RFX3: variants seen among roughly 807,000 people sequenced by gnomAD.
The protein encoded by RFX3 is transcription factor RFX3.
Under a neutral mutation model 98.6 loss-of-function variants are expected in RFX3, and 14 were observed. That is an observed-to-expected ratio of 0.14 (90% CI 0.09 to 0.22). The LOEUF is 0.22. Ranked by LOEUF, RFX3 falls within the 10% of genes least tolerant of loss-of-function variation. The probability of loss-of-function intolerance (pLI) is 1.00; values close to 1 mark genes in which losing one functional copy is unlikely to be tolerated. For synonymous variants in RFX3, 383 were observed against 328.4 expected, an observed-to-expected ratio of 1.17 and a Z score of -1.80; for missense variants, 639 against 926.9, an observed-to-expected ratio of 0.69 and a Z score of 4.03.
intron 1 of RFX3, among the ~76,000 whole-genome samples, chr9:3,427,910 C>T (rs1020112971): frequency 2.6e-5 from 4 of 152,052 alleles, no homozygotes; most frequent in Non-Finnish European, 2.9e-5. Flanking sequence ...ATTCCAGCTG[C>T]TTCAACAGGC....
At chr9:3,416,614 G>A (rs1843007786) in intron 1 of RFX3, among the ~76,000 whole-genome samples, 2 of 152,132 alleles carry the variant, frequency 1.3e-5, no homozygotes, top group South Asian at 4.1e-4. Flanking sequence ...GTGCTGTTGA[G>A]AATCACTGGC....
intron 2 of RFX3, among the ~76,000 whole-genome samples, chr9:3,369,828 TTTTG>T (rs892214282): frequency 1.2e-4 from 18 of 152,074 alleles, no homozygotes; most frequent in South Asian, 6.2e-4. Context: ...TTTGTTTTTG[TTTTG>T]TTTGTTTGTT....
At chr9:3,453,098 T>A (rs1168880691) in intron 1 of RFX3, among the ~76,000 whole-genome samples, 2 of 152,094 alleles carry the variant, frequency 1.3e-5, no homozygotes, top group African/African-American at 2.4e-5. Flanking sequence ...TTGGAAAGAT[T>A]AAATAAAAAC....
At chr9:3,406,284 G>A (rs976691976) in intron 1 of RFX3, among the ~76,000 whole-genome samples, 1 of 151,594 alleles carries the variant, frequency 6.6e-6, no homozygotes. Flanking sequence ...ATTTGAACAG[G>A]CAGTTTCTTC....
In RFX3 at chr9:3,478,906, T is replaced by G. The variant is rs139212817; in HGVS notation, c.-9+46841A>C. 4.6e-5 allele frequency among the ~76,000 whole-genome samples: 7 copies of G among 152,190 alleles called. No individual in the cohort carries two copies. In the East Asian group the frequency reaches 1.4e-3, roughly 29 times the overall value. On this transcript the variant is annotated intron_variant, in intron 1 of 16. Coordinates refer to ENST00000617270, the MANE Select transcript of RFX3 (RefSeq NM_001282116.2). ...TTCAGTAATGCCCTGGGGGTAAGCT[T>G]TTTCTTCCCCCAACTGAGCTGAGTT...
chr9:3,389,325 G>A (rs1020413964), intron 2 of RFX3, among the ~76,000 whole-genome samples: 1 of 152,138 alleles, frequency 6.6e-6, no homozygotes, highest in Non-Finnish European at 1.5e-5. Flanking sequence ...CAAGGATGAA[G>A]GATGAGGAGA....
chr9:3,269,935 T>C (rs1313908337), intron 11 of RFX3, among the ~76,000 whole-genome samples: 1 of 152,076 alleles, frequency 6.6e-6, no homozygotes, highest in Non-Finnish European at 1.5e-5. Context: ...TTTTTGGCTT[T>C]ATGAAGGAGA....
chr9:3,488,684 AC>A (rs1850477496), intron 1 of RFX3: 1 of 613,628 alleles, frequency 1.6e-6, no homozygotes, highest in African/African-American at 2.0e-5. Flanking sequence ...GGCCTTAGAC[AC>A]AAAACTACTC....
intron 3 of RFX3, among the ~76,000 whole-genome samples, chr9:3,344,200 GTTCA>G (rs1467630612): frequency 1.3e-5 from 2 of 152,212 alleles, no homozygotes; most frequent in East Asian, 3.9e-4. Context: ...AATAACTAAT[GTTCA>G]TTGAGTGTGT....
At chr9:3,271,258 T>A in intron 9 of RFX3, 140 bp from the exon 10 acceptor site, 1 of 597,502 alleles carries the variant, frequency 1.7e-6, no homozygotes. Context: ...ACACTAAATT[T>A]TACCAAAGGA....
intron 1 of RFX3, among the ~76,000 whole-genome samples, chr9:3,494,782 A>T (rs1325592415): frequency 2.0e-5 from 3 of 152,166 alleles, no homozygotes; most frequent in Non-Finnish European, 4.4e-5. Context: ...TAGAAGACAG[A>T]TTCTCACATC....
At chr9:3,419,755 G>A (rs971877869) in intron 1 of RFX3, among the ~76,000 whole-genome samples, 1 of 152,132 alleles carries the variant, frequency 6.6e-6, no homozygotes, top group African/African-American at 2.4e-5. Context: ...TTGTTACACT[G>A]TATTTTTCAT....
chr9:3,437,815 C>A (rs1384905634), intron 1 of RFX3, among the ~76,000 whole-genome samples: 1 of 152,004 alleles, frequency 6.6e-6, no homozygotes, highest in Non-Finnish European at 1.5e-5. Context: ...CCTGAATGCC[C>A]TCTCTCCATG....
At chr9:3,273,468 C>T (rs1824776795) in intron 9 of RFX3, among the ~76,000 whole-genome samples, 1 of 152,084 alleles carries the variant, frequency 6.6e-6, no homozygotes, top group Non-Finnish European at 1.5e-5. Context: ...CAACCTTATT[C>T]AGGGGAGTTT....
intron 1 of RFX3, among the ~76,000 whole-genome samples, chr9:3,428,350 A>T (rs1305956359): frequency 6.6e-6 from 1 of 152,222 alleles, no homozygotes; most frequent in Non-Finnish European, 1.5e-5. Context: ...AATAATTTTG[A>T]TAGAATATCT....
At chr9:3,339,747 A>G (rs1168925327) in intron 3 of RFX3, among the ~76,000 whole-genome samples, 2 of 152,188 alleles carry the variant, frequency 1.3e-5, no homozygotes, top group African/African-American at 4.8e-5. Flanking sequence ...AAAATGAAAT[A>G]AAAGAGGATA....
chr9:3,308,835 A>T (rs1310314057), intron 4 of RFX3, among the ~76,000 whole-genome samples: 1 of 152,062 alleles, frequency 6.6e-6, no homozygotes, highest in Non-Finnish European at 1.5e-5. Flanking sequence ...GCTATGAGAA[A>T]ATATTTGGAG....
At chr9:3,442,073 A>G (rs900074577) in intron 1 of RFX3, among the ~76,000 whole-genome samples, 1 of 151,966 alleles carries the variant, frequency 6.6e-6, no homozygotes, top group Non-Finnish European at 1.5e-5. Flanking sequence ...GGTGGCACGC[A>G]CCTGTAATCC....
intron 9 of RFX3, among the ~76,000 whole-genome samples, chr9:3,271,743 T>C (rs1824509560): frequency 6.6e-6 from 1 of 152,200 alleles, no homozygotes; most frequent in Non-Finnish European, 1.5e-5. Context: ...GTTGCTTTTG[T>C]GTGGCAGATG....
Sources: allele counts gnomAD v4.1 joint callset (sites outside exome capture counted in the v4.1 genomes callset), GRCh38; gene constraint gnomAD v4.1.1; transcripts MANE v1.5; gene names NCBI Gene and HGNC (gene_info 2026-07-23, HGNC 2026-07-21).